The following FCHSD2 variants were observed in gnomAD, a reference collection of about 807,000 sequenced individuals.
FCHSD2 encodes FCH and double SH3 domains 2, also known as F-BAR and double SH3 domains protein 2.
FCHSD2 carries 38 observed loss-of-function variants against 108.1 expected under a neutral mutation model. That is an observed-to-expected ratio of 0.35 (90% CI 0.27 to 0.46). The LOEUF (loss-of-function observed/expected upper bound fraction) is 0.46, where lower values mean the gene tolerates loss of function less well. Ranked by LOEUF, FCHSD2 falls within the 20% of genes least tolerant of loss-of-function variation. FCHSD2 has a pLI of 1.00. For missense variants in FCHSD2, 751 were observed against 897.8 expected (o/e 0.84, Z 2.09); for synonymous variants, 279 against 314.7 (o/e 0.89, Z 1.20).
At chr11:72,936,520 C>T (rs923347568) in intron 8 of FCHSD2, among the ~76,000 whole-genome samples, 6 of 152,138 alleles carry the variant, frequency 3.9e-5, no homozygotes, top group African/African-American at 7.2e-5. Flanking sequence ...CATGCCTGTA[C>T]TCCCAGCACT....
At chr11:73,080,296 CAA>C (rs370633105) in intron 3 of FCHSD2, among the ~76,000 whole-genome samples, 1,218 of 52,224 alleles carry the variant, frequency 0.023, 10 homozygotes, top group African/African-American at 0.065. Flanking sequence ...GACCCTGTCT[CAA>C]AAAAAAAAAA....
chr11:72,995,607 G>A (rs1359409173), intron 5 of FCHSD2, among the ~76,000 whole-genome samples: 1 of 151,878 alleles, frequency 6.6e-6, no homozygotes, highest in Non-Finnish European at 1.5e-5. Flanking sequence ...GGGAGGCTGG[G>A]GTGGAAGGAT....
intron 14 of FCHSD2, 63 bp from the exon 15 acceptor site, chr11:72,843,595 A>T: frequency 1.9e-6 from 2 of 1,081,058 alleles, no homozygotes; most frequent in South Asian, 1.3e-5. Context: ...ATGTGAGCTG[A>T]TCATGACAAA....
At chr11:72,894,082 G>T (rs957984101) in intron 10 of FCHSD2, among the ~76,000 whole-genome samples, 2 of 152,154 alleles carry the variant, frequency 1.3e-5, no homozygotes, top group Admixed American at 6.6e-5. Context: ...GAGAGAAAAA[G>T]AGATGGTCAT....
chr11:72,929,934 C>A (rs1856154776), intron 8 of FCHSD2, among the ~76,000 whole-genome samples: 2 of 152,088 alleles, frequency 1.3e-5, no homozygotes, highest in Non-Finnish European at 2.9e-5. Context: ...ATGAATCAAA[C>A]TGAGAAGGGT....
intron 8 of FCHSD2, among the ~76,000 whole-genome samples, chr11:72,934,442 T>C (rs1856260444): frequency 6.6e-6 from 1 of 151,842 alleles, no homozygotes; most frequent in East Asian, 2.0e-4. Flanking sequence ...GAGATTCTTC[T>C]GGCTCAGCCT....
chr11:72,949,245 T>C (rs1565337548), intron 8 of FCHSD2, among the ~76,000 whole-genome samples: 1 of 150,032 alleles, frequency 6.7e-6, no homozygotes, highest in Non-Finnish European at 1.5e-5. Flanking sequence ...AGGTCAGGAG[T>C]TCAAGGCCAG....
At chr11:73,021,547 G>A (rs1331175780) in intron 3 of FCHSD2, among the ~76,000 whole-genome samples, 1 of 152,052 alleles carries the variant, frequency 6.6e-6, no homozygotes, top group Non-Finnish European at 1.5e-5. Context: ...ACAGACACTG[G>A]GGCCTTTTGG....
At chr11:72,904,645 G>T (rs1855591622) in intron 9 of FCHSD2, among the ~76,000 whole-genome samples, 1 of 152,114 alleles carries the variant, frequency 6.6e-6, no homozygotes, top group Admixed American at 6.6e-5. Flanking sequence ...ACAATTTACA[G>T]TAAGTACTTA....
At chr11:73,012,830 A>G (rs539210139) in intron 4 of FCHSD2, among the ~76,000 whole-genome samples, 1 of 152,222 alleles carries the variant, frequency 6.6e-6, no homozygotes, top group Non-Finnish European at 1.5e-5. Context: ...CTCAGAACAA[A>G]TTTGACAAAC....
At chr11:72,971,924 G>A (rs1023426773) in intron 8 of FCHSD2, among the ~76,000 whole-genome samples, 14 of 152,114 alleles carry the variant, frequency 9.2e-5, no homozygotes, top group Non-Finnish European at 1.5e-4. Flanking sequence ...AAGTTTGGGA[G>A]GATAGAAATA....
chr11:72,854,082 T>C (rs1861361365), intron 13 of FCHSD2, among the ~76,000 whole-genome samples: 2 of 152,116 alleles, frequency 1.3e-5, no homozygotes, highest in Non-Finnish European at 2.9e-5. Context: ...AAATAACAAG[T>C]GTTGACAAGG....
rs559317989 is a variant in FCHSD2 at position 73,105,574 on chromosome 11, T to C, written c.120-21834A>G. Among the ~76,000 whole-genome samples the C allele has an allele frequency of 3.3e-5, 5 of 152,298 alleles. No individual in the cohort carries two copies. In the East Asian group the frequency reaches 7.7e-4, roughly 23 times the overall value. ...CTTTACTACTCTAAGCCTCAATTTT[T>C]ACATCTACAAAATATACTTACTAGG... is the stretch of plus-strand genomic sequence containing the variant. On this transcript the variant is annotated intron_variant, in intron 2 of 19. Transcript: ENST00000409418.
At chr11:72,853,564 G>A (rs985207204) in intron 13 of FCHSD2, among the ~76,000 whole-genome samples, 2 of 152,040 alleles carry the variant, frequency 1.3e-5, no homozygotes, top group African/African-American at 2.4e-5. Flanking sequence ...ACAGGTGCAT[G>A]CCACCACACC....
intron 3 of FCHSD2, chr11:73,077,570 G>A (rs1386722243): frequency 2.5e-6 from 1 of 405,518 alleles, no homozygotes; most frequent in Non-Finnish European, 4.7e-6. Flanking sequence ...ATACACAAAT[G>A]TTTATAGCAA....
At chr11:72,953,319 AAATTCCTTTTTCAC>A (rs1856651920) in intron 8 of FCHSD2, among the ~76,000 whole-genome samples, 1 of 152,198 alleles carries the variant, frequency 6.6e-6, no homozygotes, top group Non-Finnish European at 1.5e-5. Context: ...TCCTTTTTCA[AAATTCCTTTTTCAC>A]AATTTCTTTT....
chr11:73,036,236 T>C (rs1193892168), intron 3 of FCHSD2, among the ~76,000 whole-genome samples: 2 of 151,260 alleles, frequency 1.3e-5, no homozygotes, highest in East Asian at 1.9e-4. Flanking sequence ...AATATACAAT[T>C]AGAAACATTA....
At chr11:72,946,874 A>T (rs1331507544) in intron 8 of FCHSD2, among the ~76,000 whole-genome samples, 1 of 152,190 alleles carries the variant, frequency 6.6e-6, no homozygotes, top group East Asian at 1.9e-4. Flanking sequence ...ATTCATATTC[A>T]CAAGACTACT....
intron 3 of FCHSD2, among the ~76,000 whole-genome samples, chr11:73,058,881 C>T (rs1032145331): frequency 4.6e-5 from 7 of 152,012 alleles, no homozygotes; most frequent in East Asian, 3.9e-4. Context: ...CATTTTCTAA[C>T]GGGATAAATA....
Sources: gnomAD v4.1 joint callset for allele counts (sites outside exome capture counted in the v4.1 genomes callset) on GRCh38, gnomAD v4.1.1 for gene constraint, MANE v1.5 for transcripts, NCBI Gene and HGNC (gene_info 2026-07-23, HGNC 2026-07-21) for gene names.